LIN9: variants seen among roughly 807,000 people sequenced by gnomAD.
The protein encoded by LIN9 is lin-9 DREAM MuvB core complex component.
Under a neutral mutation model 78.0 loss-of-function variants are expected in LIN9, and 18 were observed. The ratio of observed to expected loss-of-function variants is 0.23; its 90% CI spans 0.16 to 0.34. LIN9 has a LOEUF of 0.34. Ranked by LOEUF, LIN9 falls within the 10% of genes least tolerant of loss-of-function variation. The probability of loss-of-function intolerance (pLI) is 1.00; values close to 1 mark genes in which losing one functional copy is unlikely to be tolerated. For synonymous variants in LIN9, 192 were observed against 215.2 expected (o/e 0.89, Z 0.94); for missense variants, 451 against 644.1 (o/e 0.70, Z 3.25).
In LIN9 at chr1:226,232,279, A is replaced by C. The variant is rs1012081742; in HGVS notation, c.*222T>G. 7.3e-6 allele frequency: 3 copies of C among 408,508 alleles called. No individual in the cohort carries two copies. The highest frequency in any genetic ancestry group is 1.3e-5 in the Non-Finnish European group (3 of 232,260). 25.3% of individuals were successfully genotyped at this position (408,508 alleles called of 1,614,324 possible). On this transcript the variant is annotated 3_prime_UTR_variant, in exon 15 of 15. Transcript: ENST00000681046. ...ATTTGTGAATATAAACATATGTAAC[A>C]TAAGCAATGCTACTGCATCTGAATA... is the stretch of plus-strand genomic sequence containing the variant.
chr1:226,266,074 CTATT>C (rs1297731007), intron 9 of LIN9, 135 bp downstream of exon 9: 5 of 423,394 alleles, frequency 1.2e-5, no homozygotes, highest in Non-Finnish European at 1.6e-5. Context: ...GATGAAGCAA[CTATT>C]TATTTTATTT....
chr1:226,295,835 C>T lies in LIN9; in HGVS notation c.264+7G>A. 6.3e-7 allele frequency: 1 copy of T among 1,587,308 alleles called. No homozygotes were observed. Among genetic ancestry groups the T allele is most frequent in the Non-Finnish European group, 8.6e-7 (1 of 1,161,806 alleles). ...TCCAATGAAACAAAATTTTAGCACA[C>T]ACATACCTGTGGAACCATTGCAACC... On this transcript the variant is annotated splice_region_variant and intron_variant, in intron 4 of 14. Transcript: ENST00000681046.
chr1:226,254,226 T>G (rs1366484802), intron 10 of LIN9, among the ~76,000 whole-genome samples: 1 of 152,246 alleles, frequency 6.6e-6, no homozygotes, highest in South Asian at 2.1e-4. Context: ...TCCTCCCAGC[T>G]TGGCCACCTA....
At chr1:226,242,973 T>C (rs1251018012) in intron 11 of LIN9, among the ~76,000 whole-genome samples, 9 of 152,266 alleles carry the variant, frequency 5.9e-5, no homozygotes, top group Non-Finnish European at 1.2e-4. Context: ...ATAGAAGATA[T>C]GTGTTCATCT....
rs1463890706 is a variant in LIN9, at chr1:226,231,830, GTTCC to G, written c.*667_*670del. 8.9e-6 allele frequency: 2 copies of G among 223,540 alleles called. No individual in the cohort carries two copies. The highest frequency in any genetic ancestry group is 5.7e-5 in the Admixed American group (1 of 17,486). 13.8% of individuals were successfully genotyped at this position (223,540 alleles called of 1,614,324 possible). A position where few individuals can be genotyped will look rare whatever the true frequency, so the allele number is the denominator to read the frequency against. ...AGCATTTTGCACCTTTTTTCCCCCT[GTTCC>G]TTCATTTTCTTTCAACAAACAACAA... On this transcript the variant is annotated 3_prime_UTR_variant, in exon 15 of 15. Coordinates refer to ENST00000681046, the MANE Select transcript of LIN9 (RefSeq NM_001366245.2).
Position 226,265,751 on chromosome 1 carries a change from T to A in LIN9, c.937-117A>T, listed in dbSNP as rs1659862940. The A allele has an allele frequency of 5.4e-6, 3 of 555,258 alleles. No homozygotes were observed. The highest frequency in any genetic ancestry group is 1.9e-5 in the South Asian group (1 of 51,282). The allele number at this position is 555,258 out of a possible 1,614,324, so 34.4% of individuals were successfully genotyped here. On this transcript the variant is annotated intron_variant, in intron 9 of 14. Coordinates refer to ENST00000681046, the MANE Select transcript of LIN9 (RefSeq NM_001366245.2). The surrounding 1 kb of genome is among the most constrained non-coding windows in gnomAD (Gnocchi z 4.1). ...CTCTGTTGCCACTTGTGATCTCGGC[T>A]CACTGCAATCTCTGACTCCTGGGTT...
chr1:226,273,865 TCTCA>T (rs1382362005), intron 7 of LIN9, among the ~76,000 whole-genome samples: 2 of 147,464 alleles, frequency 1.4e-5, no homozygotes, highest in Non-Finnish European at 3.0e-5. Flanking sequence ...TGAGACGGAG[TCTCA>T]CTCTGTCACC....
intron 1 of LIN9, among the ~76,000 whole-genome samples, chr1:226,305,616 G>T (rs1662864153): frequency 6.6e-6 from 1 of 152,022 alleles, no homozygotes; most frequent in Non-Finnish European, 1.5e-5. Context: ...AAGTAAGGGG[G>T]GTGTGGGGGG....
At chr1:226,261,464 C>A (rs1404233904) in intron 10 of LIN9, among the ~76,000 whole-genome samples, 2 of 151,332 alleles carry the variant, frequency 1.3e-5, no homozygotes, top group Non-Finnish European at 2.9e-5. Context: ...AGTTAACATA[C>A]AAAAGTCAAT....
At chr1:226,267,303 A>ATG (rs1659985412) in intron 8 of LIN9, among the ~76,000 whole-genome samples, 1 of 66,760 alleles carries the variant, frequency 1.5e-5, no homozygotes, top group Non-Finnish European at 3.0e-5. Context: ...ATGTGTGTGT[A>ATG]TATATATTAT....
intron 1 of LIN9, among the ~76,000 whole-genome samples, chr1:226,307,929 C>G (rs2102695143): frequency 6.6e-6 from 1 of 152,304 alleles, no homozygotes; most frequent in Non-Finnish European, 1.5e-5. Flanking sequence ...TGCTCTCTAT[C>G]AAATTTAAAA....
intron 10 of LIN9, among the ~76,000 whole-genome samples, chr1:226,262,237 T>C (rs1032842863): frequency 1.3e-5 from 2 of 152,202 alleles, no homozygotes; most frequent in Admixed American, 1.3e-4. Context: ...ACTTTAGATA[T>C]GACATCAAGG....
Position 226,261,441 on chromosome 1 carries a change from T to C in LIN9, c.1038+4092A>G, listed in dbSNP as rs146010491. ...GAACTAATAAGTGACTACAGCAAAG[T>C]TGCAGGATACAAAGTTAACATACAA... On this transcript the variant is annotated intron_variant, in intron 10 of 14. Transcript: ENST00000681046. Among the ~76,000 whole-genome samples, 556 of 150,912 alleles carry C rather than the reference T, an allele frequency of 3.7e-3. 3 individuals are homozygous for C. Among genetic ancestry groups the C allele is most frequent in the Middle Eastern group, 6.9e-3 (2 of 290 alleles).
rs1658122467 is a variant in LIN9 at position 226,241,678 on chromosome 1, GA to G, written c.1120-2583del. Among the ~76,000 whole-genome samples the G allele has an allele frequency of 9.9e-5, 15 of 152,212 alleles. No individual in the cohort carries two copies. In the South Asian group the frequency reaches 3.1e-3, roughly 32 times the overall value. ...TCGAGACCATCCTGGCTAACACGGT[GA>G]AACCCCGTCTCTACTAAAAATACAA... On this transcript the variant is annotated intron_variant, in intron 11 of 14. Coordinates refer to ENST00000681046, the MANE Select transcript of LIN9 (RefSeq NM_001366245.2).
chr1:226,240,087 C>G (rs1478592788), intron 11 of LIN9, among the ~76,000 whole-genome samples: 1 of 152,150 alleles, frequency 6.6e-6, no homozygotes, highest in African/African-American at 2.4e-5. Flanking sequence ...CCTCAGAGGT[C>G]ATCTAGTTAA....
chr1:226,253,107 T>TA (rs1249083008), intron 10 of LIN9, among the ~76,000 whole-genome samples: 1 of 150,494 alleles, frequency 6.6e-6, no homozygotes, highest in Non-Finnish European at 1.5e-5. Context: ...TATGAAAAAG[T>TA]AAAAAATTAG....
chr1:226,249,251 C>A (rs1658676201), intron 11 of LIN9, among the ~76,000 whole-genome samples: 1 of 152,162 alleles, frequency 6.6e-6, no homozygotes, highest in East Asian at 1.9e-4. Flanking sequence ...CTGATGGAAA[C>A]CAAGAATTAG....
intron 11 of LIN9, among the ~76,000 whole-genome samples, chr1:226,250,323 A>G (rs1311660317): frequency 6.6e-6 from 1 of 152,162 alleles, no homozygotes; most frequent in Admixed American, 6.6e-5. Context: ...ATTCTGAAAC[A>G]TTTTTTATAA....
intron 1 of LIN9, among the ~76,000 whole-genome samples, chr1:226,303,681 CT>C (rs1662710430): frequency 6.6e-6 from 1 of 152,190 alleles, no homozygotes; most frequent in Non-Finnish European, 1.5e-5. Flanking sequence ...TCTCAGCTCA[CT>C]GCAACCTCCA....
Sources: allele counts gnomAD v4.1 joint callset (sites outside exome capture counted in the v4.1 genomes callset), GRCh38; gene constraint gnomAD v4.1.1; non-coding constraint Gnocchi (gnomAD v3.1); transcripts MANE v1.5; gene names NCBI Gene and HGNC (gene_info 2026-07-23, HGNC 2026-07-21).